DLG2: variants seen among roughly 807,000 people sequenced by gnomAD.
DLG2 encodes the protein disks large homolog 2.
Under a neutral mutation model 132.5 loss-of-function variants are expected in DLG2, and 45 were observed. The ratio of observed to expected loss-of-function variants is 0.34; its 90% CI spans 0.27 to 0.44. The LOEUF is 0.44. Ranked by LOEUF, DLG2 falls within the 20% of genes least tolerant of loss-of-function variation. DLG2 has a pLI of 1.00. For synonymous variants in DLG2, 424 were observed against 419.6 expected (o/e 1.01, Z -0.13); for missense variants, 1,045 against 1,196.9 (o/e 0.87, Z 1.87).
chr11:83,633,197 A>G lies in DLG2; in HGVS notation c.1940+14T>C, dbSNP rs1000992461. The G allele has an allele frequency of 6.2e-7, 1 of 1,610,310 alleles. No individual in the cohort carries two copies. Among genetic ancestry groups the G allele is most frequent in the African/African-American group, 1.3e-5 (1 of 74,762 alleles). On this transcript the variant is annotated intron_variant, in intron 19 of 27. Transcript: ENST00000376104. ...GCTCACAAAGTGCAGATAGAGAAAT[A>G]CTCCTTTGCCTACCTGACGTAGAGG...
intron 8 of DLG2, among the ~76,000 whole-genome samples, chr11:84,200,687 G>T (rs571775863): frequency 6.6e-6 from 1 of 152,020 alleles, no homozygotes; most frequent in Non-Finnish European, 1.5e-5. Context: ...GTATTCCTAG[G>T]TATTTTATTC....
intron 2 of DLG2, among the ~76,000 whole-genome samples, chr11:85,610,488 C>A (rs79849115): frequency 6.6e-6 from 1 of 152,108 alleles, no homozygotes; most frequent in African/African-American, 2.4e-5. Flanking sequence ...CTGTGAGGAC[C>A]CCACAGACCA....
intron 19 of DLG2, among the ~76,000 whole-genome samples, chr11:83,548,114 G>T (rs2096284276): frequency 6.6e-6 from 1 of 152,158 alleles, no homozygotes; most frequent in Admixed American, 6.6e-5. Flanking sequence ...CACAGTGGTG[G>T]AAAGCTTAGT....
chr11:83,825,171 A>ATTT (rs10566177), intron 17 of DLG2, among the ~76,000 whole-genome samples: 38 of 72,606 alleles, frequency 5.2e-4, no homozygotes, highest in Non-Finnish European at 7.2e-4. Flanking sequence ...ATATATATAT[A>ATTT]TTTTTTTTTT....
intron 15 of DLG2, among the ~76,000 whole-genome samples, chr11:83,878,962 T>C (rs2065448674): frequency 6.6e-6 from 1 of 152,156 alleles, no homozygotes; most frequent in Admixed American, 6.5e-5. Flanking sequence ...TTAAATAAAA[T>C]TGAGGAAGTG....
At chr11:85,213,861 A>G (rs1352719750) in intron 4 of DLG2, among the ~76,000 whole-genome samples, 1 of 152,142 alleles carries the variant, frequency 6.6e-6, no homozygotes, top group Non-Finnish European at 1.5e-5. Context: ...AGAGGACTTT[A>G]GGGTCCTGCC....
chr11:83,542,453 C>T (rs578196515), intron 19 of DLG2, among the ~76,000 whole-genome samples: 1 of 152,148 alleles, frequency 6.6e-6, no homozygotes, highest in South Asian at 2.1e-4. Context: ...GCTTAAAATG[C>T]AGTAAATTAA....
intron 3 of DLG2, among the ~76,000 whole-genome samples, chr11:85,536,573 C>G (rs2075598886): frequency 6.6e-6 from 1 of 152,234 alleles, no homozygotes; most frequent in Non-Finnish European, 1.5e-5. Flanking sequence ...CTCTCTGGGG[C>G]TGGTTGAGGC....
chr11:85,143,007 T>G (rs2076597918), intron 5 of DLG2, among the ~76,000 whole-genome samples: 1 of 151,938 alleles, frequency 6.6e-6, no homozygotes, highest in Non-Finnish European at 1.5e-5. Context: ...TATTTGCCTA[T>G]AGTTTTCTTT....
chr11:83,725,759 A>G (rs1246802044), intron 18 of DLG2, among the ~76,000 whole-genome samples: 14 of 152,184 alleles, frequency 9.2e-5, no homozygotes, highest in Admixed American at 9.2e-4. Flanking sequence ...TTTTGTTTTG[A>G]TGTGTGCTAT....
chr11:83,920,161 A>G (rs2077600423), intron 15 of DLG2, among the ~76,000 whole-genome samples: 1 of 152,160 alleles, frequency 6.6e-6, no homozygotes, highest in Non-Finnish European at 1.5e-5. Context: ...AAAGCAAGCC[A>G]TAAAATTCCT....
In DLG2 at chr11:85,517,925, G is replaced by T. The variant is rs11234357; in HGVS notation, c.40+80732C>A. 1.3e-3 allele frequency among the ~76,000 whole-genome samples: 193 copies of T among 152,262 alleles called. 5 individuals carry two copies. The East Asian group carries it at 0.034, about 27-fold the overall frequency. On this transcript the variant is annotated intron_variant, in intron 3 of 27. Coordinates refer to ENST00000376104, the MANE Select transcript of DLG2 (RefSeq NM_001142699.3). ...CAAGATCTGATGGTTATTATAAGGAGAGTTTCCCTGCACAAGTTCTTTTCC... is the reference window on the plus strand; with the variant it reads ...CAAGATCTGATGGTTATTATAAGGATAGTTTCCCTGCACAAGTTCTTTTCC...
At chr11:84,094,312 G>T (rs535579646) in intron 10 of DLG2, among the ~76,000 whole-genome samples, 1 of 152,174 alleles carries the variant, frequency 6.6e-6, no homozygotes, top group East Asian at 1.9e-4. Context: ...AAATGACTTG[G>T]CACATTGTAA....
intron 7 of DLG2, among the ~76,000 whole-genome samples, chr11:84,260,149 T>TC (rs1467820207): frequency 1.3e-5 from 2 of 152,182 alleles, no homozygotes; most frequent in African/African-American, 4.8e-5. Context: ...CCCTTTTTTT[T>TC]CTAGTGCAGA....
At chr11:85,198,519 C>T (rs1030002986) in intron 4 of DLG2, among the ~76,000 whole-genome samples, 4 of 151,902 alleles carry the variant, frequency 2.6e-5, no homozygotes, top group Non-Finnish European at 4.4e-5. Flanking sequence ...TAAATGTACA[C>T]ATTATAGAAT....
intron 6 of DLG2, among the ~76,000 whole-genome samples, chr11:84,603,741 A>G (rs1565431128): frequency 6.6e-6 from 1 of 151,956 alleles, no homozygotes; most frequent in Non-Finnish European, 1.5e-5. Flanking sequence ...TTATGACAAG[A>G]TTATCCAATT....
chr11:84,650,873 G>GTATATATATATATATATATA (rs71274437), intron 6 of DLG2, among the ~76,000 whole-genome samples: 13 of 123,944 alleles, frequency 1.0e-4, no homozygotes, highest in East Asian at 2.3e-4. Flanking sequence ...GTGTGTGTGT[G>GTATATATATATATATATATA]TATATATATA....
At chr11:85,261,299 T>C (rs2076927939) in intron 4 of DLG2, among the ~76,000 whole-genome samples, 1 of 152,080 alleles carries the variant, frequency 6.6e-6, no homozygotes, top group Non-Finnish European at 1.5e-5. Flanking sequence ...TTATTTGTGG[T>C]TAGCCATCTC....
chr11:83,770,059 T>A (rs1166399652), intron 18 of DLG2, among the ~76,000 whole-genome samples: 1 of 152,180 alleles, frequency 6.6e-6, no homozygotes, highest in Non-Finnish European at 1.5e-5. Context: ...AACCTCTTAA[T>A]AATGTCATAC....
Sources: allele counts gnomAD v4.1 joint callset (sites outside exome capture counted in the v4.1 genomes callset), GRCh38; gene constraint gnomAD v4.1.1; transcripts MANE v1.5; gene names NCBI Gene and HGNC (gene_info 2026-07-23, HGNC 2026-07-21).